The following LTBP1 variants were observed in gnomAD, a reference collection of about 807,000 sequenced individuals.
LTBP1 encodes the protein latent-transforming growth factor beta-binding protein 1.
In LTBP1, 129 loss-of-function variants were observed where a neutral mutation model predicts 207.6. The observed-to-expected ratio is 0.62, with a 90% CI of 0.54 to 0.72. LTBP1 has a LOEUF of 0.72. Among genes scored for constraint, LTBP1 ranks in the 30% least tolerant of loss-of-function variants. The pLI is 0.00. For synonymous variants in LTBP1, 963 were observed against 833.7 expected (o/e 1.16, Z -2.67); for missense variants, 2,281 against 2,217.2 (o/e 1.03, Z -0.58).
chr2:33,134,971 C>T lies in LTBP1; in HGVS notation c.1201+11C>T. On this transcript the variant is annotated intron_variant, in intron 5 of 33. Coordinates refer to ENST00000404816, the MANE Select transcript of LTBP1 (RefSeq NM_206943.4). The surrounding 1 kb of genome is among the most constrained non-coding windows in gnomAD (Gnocchi z 4.4). ...CGAACTTCCGAGTGGGTGAGTTCCTCCACGGTCCCTAACTGTCCTTACTGA... is the reference window on the plus strand; with the variant it reads ...CGAACTTCCGAGTGGGTGAGTTCCTTCACGGTCCCTAACTGTCCTTACTGA... 3 of 1,602,002 alleles carry T rather than the reference C, an allele frequency of 1.9e-6. No individual in the cohort carries two copies. Among genetic ancestry groups the T allele is most frequent in the Non-Finnish European group, 2.6e-6 (3 of 1,174,152 alleles).
At chr2:33,324,498 A>G (rs184091015) in intron 24 of LTBP1, among the ~76,000 whole-genome samples, 16 of 152,134 alleles carry the variant, frequency 1.1e-4, no homozygotes, top group Admixed American at 3.3e-4. Flanking sequence ...TCCTCCACCA[A>G]TGAAAAGGAA....
At chr2:33,328,260 C>T (rs770723329) in intron 24 of LTBP1, among the ~76,000 whole-genome samples, 8 of 152,122 alleles carry the variant, frequency 5.3e-5, no homozygotes, top group Non-Finnish European at 8.8e-5. Flanking sequence ...AACCAGCCCC[C>T]TGAACCTCCC....
intron 24 of LTBP1, among the ~76,000 whole-genome samples, chr2:33,317,172 C>T (rs2094286128): frequency 6.6e-6 from 1 of 152,130 alleles, no homozygotes; most frequent in Non-Finnish European, 1.5e-5. Context: ...TTTTGTTGGT[C>T]ATTTACTTGG....
At chr2:33,326,640 A>AATTTATTAATTTATTTATTT (rs1553502917) in intron 24 of LTBP1, among the ~76,000 whole-genome samples, 1 of 144,590 alleles carries the variant, frequency 6.9e-6, no homozygotes, top group Non-Finnish European at 1.5e-5. Flanking sequence ...TGAGGGATAT[A>AATTTATTAATTTATTTATTT]ATTTATTTAT....
chr2:33,222,040 A>G, intron 8 of LTBP1, 40 bp from the exon 9 acceptor site: 1 of 1,451,936 alleles, frequency 6.9e-7, no homozygotes, highest in Non-Finnish European at 9.7e-7. Context: ...CTAAGATTGT[A>G]AGAATTTAAG....
intron 2 of LTBP1, among the ~76,000 whole-genome samples, chr2:32,988,980 C>G (rs1468288260): frequency 1.3e-5 from 2 of 152,026 alleles, no homozygotes; most frequent in East Asian, 3.9e-4. Context: ...TTTTGTGCCA[C>G]TATCAAACTT....
At chr2:33,123,390 CT>C (rs113840029) in intron 4 of LTBP1, among the ~76,000 whole-genome samples, 220 of 144,944 alleles carry the variant, frequency 1.5e-3, no homozygotes, top group Admixed American at 1.4e-3. Flanking sequence ...GTTCATTCAT[CT>C]TTTTTTTTTT....
In LTBP1 at chr2:33,187,004, C is replaced by T. The variant is rs372621206; in HGVS notation, c.1350C>T (p.Gly450=). ...TTTATCAGCATTCCCAGCAGCCAGG[C>T]AAGGCGTTGGGGACGCATGTCATCC... is the stretch of plus-strand genomic sequence containing the variant. ...PKLYQHSQQP[G]KALGTHVIHS... The change falls in exon 6 of 34, where the codon GGC becomes GGT. Residue 450 remains glycine (G), a synonymous_variant. Transcript: ENST00000404816. The T allele has an allele frequency of 3.1e-6, 5 of 1,614,042 alleles. No homozygotes were observed. The highest frequency in any genetic ancestry group is 4.2e-6 in the Non-Finnish European group (5 of 1,180,028).
intron 26 of LTBP1, among the ~76,000 whole-genome samples, chr2:33,349,663 A>G (rs994047823): frequency 2.1e-4 from 32 of 152,262 alleles, no homozygotes; most frequent in African/African-American, 7.5e-4. Flanking sequence ...GTTTTTCTCA[A>G]TTTTTTACAC....
chr2:33,356,947 G>T (rs553993754), intron 26 of LTBP1, among the ~76,000 whole-genome samples: 14 of 152,312 alleles, frequency 9.2e-5, no homozygotes, highest in African/African-American at 3.1e-4. Context: ...TTACTCATGT[G>T]TATTAGCAGT....
chr2:33,049,323 T>C (rs1002728105), intron 3 of LTBP1, among the ~76,000 whole-genome samples: 1 of 152,244 alleles, frequency 6.6e-6, no homozygotes, highest in Non-Finnish European at 1.5e-5. Flanking sequence ...GGAAAGTTAC[T>C]AATTTTAGCC....
chr2:32,956,397 A>G (rs1247173892), intron 2 of LTBP1, among the ~76,000 whole-genome samples: 2 of 152,212 alleles, frequency 1.3e-5, no homozygotes, highest in Non-Finnish European at 2.9e-5. Flanking sequence ...TGTCATTTCA[A>G]CAATGCTCAC....
chr2:33,228,412 G>T (rs1429286973), intron 9 of LTBP1, among the ~76,000 whole-genome samples: 1 of 152,116 alleles, frequency 6.6e-6, no homozygotes, highest in African/African-American at 2.4e-5. Context: ...TAAGTCATTT[G>T]TGCAGCATAT....
In LTBP1 at chr2:33,322,817, G is replaced by A. The variant is rs141728253; in HGVS notation, c.3730+7548G>A. On this transcript the variant is annotated intron_variant, in intron 24 of 33. Transcript: ENST00000404816. ...TTAAATGCTGTTTCCTTAGTGAACC[G>A]GTTTCTGACCGTTCTTTCTCAGATT... is the stretch of plus-strand genomic sequence containing the variant. Among the ~76,000 whole-genome samples the A allele has an allele frequency of 4.7e-3, 713 of 152,268 alleles. 4 individuals are homozygous for A. Among genetic ancestry groups the A allele is most frequent in the African/African-American group, 0.016 (682 of 41,556 alleles).
At chr2:33,155,499 T>C (rs2083901756) in intron 5 of LTBP1, among the ~76,000 whole-genome samples, 1 of 152,252 alleles carries the variant, frequency 6.6e-6, no homozygotes, top group African/African-American at 2.4e-5. Flanking sequence ...CTCAGTGTTA[T>C]TCACATTTGG....
intron 15 of LTBP1, 149 bp downstream of exon 15, chr2:33,263,541 AG>A: frequency 1.8e-6 from 1 of 569,864 alleles, no homozygotes; most frequent in East Asian, 2.8e-5. Flanking sequence ...ACAGTTAAAA[AG>A]GAGGAGTATG....
intron 7 of LTBP1, among the ~76,000 whole-genome samples, chr2:33,213,271 A>G (rs2090445564): frequency 6.6e-6 from 1 of 152,192 alleles, no homozygotes; most frequent in Non-Finnish European, 1.5e-5. Flanking sequence ...TAAATTTAGC[A>G]CATTTCTCCA....
intron 31 of LTBP1, among the ~76,000 whole-genome samples, chr2:33,384,076 C>A (rs1165257029): frequency 1.3e-5 from 2 of 152,156 alleles, no homozygotes; most frequent in African/African-American, 4.8e-5. Flanking sequence ...TCCAGACTGC[C>A]CTGCACATGT....
intron 19 of LTBP1, among the ~76,000 whole-genome samples, chr2:33,287,594 C>T (rs1318306792): frequency 2.0e-5 from 3 of 152,146 alleles, no homozygotes; most frequent in African/African-American, 7.2e-5. Flanking sequence ...AGATAAAATG[C>T]TCCTTTGGAA....
Sources: gnomAD v4.1 joint callset for allele counts (sites outside exome capture counted in the v4.1 genomes callset) on GRCh38, gnomAD v4.1.1 for gene constraint, Gnocchi (gnomAD v3.1) non-coding constraint, MANE v1.5 for transcripts, NCBI Gene and HGNC (gene_info 2026-07-23, HGNC 2026-07-21) for gene names.